Variants in PALLD observed in about 807,000 individuals in gnomAD.
The protein encoded by PALLD is palladin.
Under a neutral mutation model 123.5 loss-of-function variants are expected in PALLD, and 61 were observed. That is an observed-to-expected ratio of 0.49 (90% confidence interval 0.40 to 0.61). The LOEUF (loss-of-function observed/expected upper bound fraction) is 0.61, where lower values mean the gene tolerates loss of function less well. Among genes scored for constraint, PALLD ranks in the 20% least tolerant of loss-of-function variants. PALLD has a pLI of 0.00. For missense variants in PALLD, 1,273 were observed against 1,377.0 expected, an observed-to-expected ratio of 0.92 and a Z score of 1.20; for synonymous variants, 465 against 496.4, an observed-to-expected ratio of 0.94 and a Z score of 0.84.
chr4:168,593,718 C>T (rs1469324003), intron 2 of PALLD, among the ~76,000 whole-genome samples: 11 of 152,264 alleles, frequency 7.2e-5, no homozygotes, highest in Admixed American at 2.0e-4. Context: ...GTGTACTTGA[C>T]GGTCAGATGT....
chr4:168,761,293 A>G (rs576437927), intron 10 of PALLD, among the ~76,000 whole-genome samples: 31 of 152,060 alleles, frequency 2.0e-4, no homozygotes, highest in Non-Finnish European at 3.1e-4. Context: ...AGTTTCACCA[A>G]TGAGTCCCCT....
chr4:168,794,489 T>C (rs1393808127), intron 10 of PALLD, among the ~76,000 whole-genome samples: 2 of 132,514 alleles, frequency 1.5e-5, no homozygotes, highest in African/African-American at 6.4e-5. Flanking sequence ...CACACACACA[T>C]GCACGCACAC....
intron 2 of PALLD, among the ~76,000 whole-genome samples, chr4:168,574,188 G>T (rs1026567542): frequency 6.6e-6 from 1 of 152,080 alleles, no homozygotes; most frequent in African/African-American, 2.4e-5. Flanking sequence ...AGAATGTTTA[G>T]AAACTTATTT....
chr4:168,767,302 ACCTGCTCTCCAGC>A (rs1561500533), intron 10 of PALLD, among the ~76,000 whole-genome samples: 1 of 152,094 alleles, frequency 6.6e-6, no homozygotes, highest in Non-Finnish European at 1.5e-5. Flanking sequence ...CTTACACATG[ACCTGCTCTCCAGC>A]CACTTCTCCC....
At chr4:168,829,941 T>C (rs2150840618) in intron 10 of PALLD, among the ~76,000 whole-genome samples, 1 of 152,132 alleles carries the variant, frequency 6.6e-6, no homozygotes, top group South Asian at 2.1e-4. Flanking sequence ...TTAAAAAAAA[T>C]AGGTTACAGG....
chr4:168,635,465 C>T (rs1280956731), intron 2 of PALLD, among the ~76,000 whole-genome samples: 1 of 152,202 alleles, frequency 6.6e-6, no homozygotes, highest in Non-Finnish European at 1.5e-5. Context: ...AACAGGTTCC[C>T]AAATCTCTGT....
chr4:168,555,891 C>G (rs1054876057), intron 2 of PALLD, among the ~76,000 whole-genome samples: 1 of 152,140 alleles, frequency 6.6e-6, no homozygotes, highest in African/African-American at 2.4e-5. Context: ...AAAGAGGGAT[C>G]GATTGCAGGC....
At chr4:168,835,152 A>G (rs1303614512) in intron 10 of PALLD, among the ~76,000 whole-genome samples, 10 of 152,130 alleles carry the variant, frequency 6.6e-5, no homozygotes. Context: ...TCTTTTGTGT[A>G]TATTTTCCAC....
At chr4:168,503,446 G>A (rs1407237041) in intron 1 of PALLD, among the ~76,000 whole-genome samples, 2 of 152,020 alleles carry the variant, frequency 1.3e-5, no homozygotes, top group African/African-American at 4.8e-5. Flanking sequence ...TCAAGAGATC[G>A]AGACCATCCT....
At position 168,851,602 on chromosome 4, in the gene PALLD, A is replaced by C. The variant is rs375467210; in HGVS notation, c.1965-39320A>C. On this transcript the variant is annotated intron_variant, in intron 10 of 21. Transcript: ENST00000505667. ...AGGCTGGTCTCGAACTCCTGACCTC[A>C]AGTGATCCACCCTCCTTGGCCTCCC... Among the ~76,000 whole-genome samples, 11 of 152,220 alleles carry C rather than the reference A, an allele frequency of 7.2e-5. No homozygotes were observed. The East Asian group carries it at 1.4e-3, about 19-fold the overall frequency.
At chr4:168,802,496 T>A (rs969202390) in intron 10 of PALLD, among the ~76,000 whole-genome samples, 2 of 152,180 alleles carry the variant, frequency 1.3e-5, no homozygotes, top group Non-Finnish European at 2.9e-5. Flanking sequence ...ATGTTGCATG[T>A]TCTCACTTTC....
At chr4:168,582,148 C>T (rs1264094658) in intron 2 of PALLD, among the ~76,000 whole-genome samples, 1 of 152,010 alleles carries the variant, frequency 6.6e-6, no homozygotes, top group Non-Finnish European at 1.5e-5. Context: ...TTACTGCTCT[C>T]ATTACTGTTT....
intron 10 of PALLD, among the ~76,000 whole-genome samples, chr4:168,802,259 A>T (rs1451764721): frequency 6.6e-6 from 1 of 152,232 alleles, no homozygotes; most frequent in Admixed American, 6.5e-5. Context: ...TAACAATAGG[A>T]TCGCTCAAAC....
intron 10 of PALLD, among the ~76,000 whole-genome samples, chr4:168,881,993 A>T (rs1752674697): frequency 6.6e-6 from 1 of 152,194 alleles, no homozygotes; most frequent in African/African-American, 2.4e-5. Context: ...CCATCTTCAC[A>T]TTCTTGGAAT....
chr4:168,650,010 C>T (rs1777874630), intron 2 of PALLD, among the ~76,000 whole-genome samples: 1 of 152,024 alleles, frequency 6.6e-6, no homozygotes, highest in Non-Finnish European at 1.5e-5. Flanking sequence ...CCCATCTCTA[C>T]TAAAAGTACA....
At chr4:168,552,471 C>T (rs1766839672) in intron 2 of PALLD, among the ~76,000 whole-genome samples, 1 of 152,112 alleles carries the variant, frequency 6.6e-6, no homozygotes, top group Non-Finnish European at 1.5e-5. Context: ...TAAACACTAA[C>T]CTGCCAGCAA....
chr4:168,719,252 C>CTTTTTTT (rs869040811), intron 10 of PALLD, among the ~76,000 whole-genome samples: 30 of 85,704 alleles, frequency 3.5e-4, no homozygotes, highest in South Asian at 1.0e-3. Flanking sequence ...AAGTAATCTT[C>CTTTTTTT]TTTTTTTTTT....
intron 10 of PALLD, among the ~76,000 whole-genome samples, chr4:168,730,633 G>A (rs1787072779): frequency 1.3e-5 from 2 of 152,032 alleles, no homozygotes. Context: ...CTTTACCCTA[G>A]GATTGGGCAA....
chr4:168,752,467 A>T (rs1185855547), intron 10 of PALLD, among the ~76,000 whole-genome samples: 1 of 152,244 alleles, frequency 6.6e-6, no homozygotes, highest in East Asian at 1.9e-4. Context: ...TCTTGATAAA[A>T]GGCAGATGTT....
Sources: gnomAD v4.1 joint callset for allele counts (sites outside exome capture counted in the v4.1 genomes callset) on GRCh38, gnomAD v4.1.1 for gene constraint, MANE v1.5 for transcripts, NCBI Gene and HGNC (gene_info 2026-07-23, HGNC 2026-07-21) for gene names.